Variants in C1orf141 observed in about 807,000 individuals in gnomAD.
C1orf141 encodes the protein uncharacterized protein C1orf141.
A neutral mutation model predicts 23.2 loss-of-function variants in C1orf141; 19 were observed. The observed-to-expected ratio is 0.82, with a 90% CI of 0.57 to 1.20. The LOEUF is 1.20. C1orf141 is among the 50% of genes most tolerant of loss of function. The pLI is 0.00. For synonymous variants in C1orf141, 153 were observed against 154.6 expected (o/e 0.99, Z 0.08); for missense variants, 469 against 455.1 (o/e 1.03, Z -0.28).
intron 5 of C1orf141, among the ~76,000 whole-genome samples, chr1:67,106,473 C>A (rs1015431187): frequency 1.3e-5 from 2 of 151,980 alleles, no homozygotes; most frequent in African/African-American, 4.8e-5. Context: ...ATGGTGAAAC[C>A]CTGTCTCTAC....
intron 1 of C1orf141, among the ~76,000 whole-genome samples, chr1:67,140,196 C>T (rs1646623263): frequency 2.0e-5 from 3 of 152,274 alleles, no homozygotes; most frequent in Admixed American, 6.5e-5. Flanking sequence ...TAGCATCTTG[C>T]AAGGCTTCAC....
intron 1 of C1orf141, 58 bp downstream of exon 1, chr1:67,134,872 A>G (rs1003968680): frequency 2.0e-5 from 3 of 152,056 alleles, no homozygotes; most frequent in African/African-American, 7.3e-5. Flanking sequence ...TTCGCCTCCC[A>G]CCCTCATGCA....
At chr1:67,113,120 C>T (rs1357875629) in intron 5 of C1orf141, among the ~76,000 whole-genome samples, 1 of 152,010 alleles carries the variant, frequency 6.6e-6, no homozygotes, top group African/African-American at 2.4e-5. Flanking sequence ...GCTGGGATTA[C>T]AAGTGTGCAC....
chr1:67,137,991 TC>T (rs1313662091), upstream of C1orf141, among the ~76,000 whole-genome samples: 2 of 152,196 alleles, frequency 1.3e-5, no homozygotes, highest in East Asian at 3.8e-4. Flanking sequence ...TTCCTAATGT[TC>T]CTTTCACATC....
intron 5 of C1orf141, among the ~76,000 whole-genome samples, chr1:67,097,898 A>C (rs926997409): frequency 6.6e-6 from 1 of 152,162 alleles, no homozygotes; most frequent in African/African-American, 2.4e-5. Flanking sequence ...TGGGATAGGT[A>C]AGAGAAAAAC....
intron 2 of C1orf141, among the ~76,000 whole-genome samples, chr1:67,129,316 C>A (rs1042261446): frequency 9.2e-5 from 14 of 151,916 alleles, no homozygotes; most frequent in Non-Finnish European, 1.5e-4. Flanking sequence ...AGTAGCCAGG[C>A]ACAGTAGCAT....
chr1:67,092,315 A>C lies in C1orf141; in HGVS notation c.*690T>G, dbSNP rs1335191304. On this transcript the variant is annotated 3_prime_UTR_variant, in exon 8 of 8. Transcript: ENST00000684719. ...TGCCTTTAAACTGTTTGGGTTAATG[A>C]GAAACAGTAAAATAGCAATGTAATA... 6.6e-6 allele frequency: 1 copy of C among 152,310 alleles called. No homozygotes were observed. The highest frequency in any genetic ancestry group is 1.5e-5 in the Non-Finnish European group (1 of 68,014). The allele number at this position is 152,310 out of a possible 1,614,324, so 9.4% of individuals were successfully genotyped here.
chr1:67,107,862 C>T (rs1310000327), intron 5 of C1orf141, among the ~76,000 whole-genome samples: 1 of 152,208 alleles, frequency 6.6e-6, no homozygotes, highest in Admixed American at 6.5e-5. Flanking sequence ...CAAAGAGTGT[C>T]CTTCTCTTAA....
intron 5 of C1orf141, among the ~76,000 whole-genome samples, chr1:67,114,408 G>A (rs958033662): frequency 6.6e-6 from 1 of 151,986 alleles, no homozygotes; most frequent in East Asian, 1.9e-4. Context: ...GACACATAAG[G>A]AAATATGACA....
At chr1:67,127,468 C>A (rs929895631) in intron 2 of C1orf141, among the ~76,000 whole-genome samples, 1 of 152,060 alleles carries the variant, frequency 6.6e-6, no homozygotes, top group Non-Finnish European at 1.5e-5. Context: ...GTATAGGCCC[C>A]ATGAATTTTT....
chr1:67,112,885 A>T (rs1646105844), intron 5 of C1orf141, among the ~76,000 whole-genome samples: 1 of 152,228 alleles, frequency 6.6e-6, no homozygotes, highest in Non-Finnish European at 1.5e-5. Context: ...TACAAGTTGC[A>T]TGAATAGAGT....
chr1:67,115,650 C>T (rs944907418), intron 4 of C1orf141, among the ~76,000 whole-genome samples, 186 bp from the exon 5 acceptor site: 3 of 152,016 alleles, frequency 2.0e-5, no homozygotes, highest in South Asian at 2.1e-4. Flanking sequence ...TAGTTTTAGT[C>T]GTTTAAAGTG....
chr1:67,100,524 C>T (rs1268427867), intron 5 of C1orf141, among the ~76,000 whole-genome samples: 1 of 152,074 alleles, frequency 6.6e-6, no homozygotes, highest in Non-Finnish European at 1.5e-5. Flanking sequence ...TTCTTTAACT[C>T]CTTCAGCATA....
In C1orf141 at chr1:67,108,114, A is replaced by T. The variant is rs142717234; in HGVS notation, c.346+7238T>A. Among the ~76,000 whole-genome samples the T allele has an allele frequency of 3.7e-4, 57 of 152,310 alleles. 2 individuals are homozygous for T. In the East Asian group the frequency reaches 0.01, roughly 27 times the overall value. On this transcript the variant is annotated intron_variant, in intron 5 of 7. Transcript: ENST00000684719. ...CCCATCTTCATTCTTAAATATCACAAATAAAAATGTACCAATGTCTTATTT... is the reference window on the plus strand; with the variant it reads ...CCCATCTTCATTCTTAAATATCACATATAAAAATGTACCAATGTCTTATTT...
At chr1:67,101,449 A>AGTGTGTGT (rs10688535) in intron 5 of C1orf141, among the ~76,000 whole-genome samples, 28,937 of 135,044 alleles carry the variant, frequency 0.21, 3,454 homozygotes, top group South Asian at 0.37. Context: ...TGAATGTAAG[A>AGTGTGTGT]GTGTGTGTGT....
chr1:67,128,235 T>A (rs989621152), intron 2 of C1orf141, among the ~76,000 whole-genome samples: 2 of 152,182 alleles, frequency 1.3e-5, no homozygotes, highest in Non-Finnish European at 2.9e-5. Context: ...CAGAACCTGG[T>A]CTAATTTATT....
chr1:67,114,498 G>A (rs1646148687), intron 5 of C1orf141, among the ~76,000 whole-genome samples: 1 of 152,114 alleles, frequency 6.6e-6, no homozygotes, highest in Admixed American at 6.5e-5. Context: ...AAGCATAATA[G>A]AGAAATTAAG....
chr1:67,138,233 A>C (rs867236214), upstream of C1orf141, among the ~76,000 whole-genome samples: 8 of 152,222 alleles, frequency 5.3e-5, no homozygotes, highest in South Asian at 4.1e-4. Context: ...ACTCTGAAAT[A>C]TTAAGCTCTA....
At chr1:67,096,350 A>G (rs1024501041) in intron 5 of C1orf141, 29 bp from the exon 6 acceptor site, 7 of 1,104,306 alleles carry the variant, frequency 6.3e-6, no homozygotes, top group East Asian at 2.4e-5. Context: ...TTCATAAAAG[A>G]CACATAGATA....
Sources: gnomAD v4.1 joint callset for allele counts (sites outside exome capture counted in the v4.1 genomes callset) on GRCh38, gnomAD v4.1.1 for gene constraint, MANE v1.5 for transcripts, NCBI Gene and HGNC (gene_info 2026-07-23, HGNC 2026-07-21) for gene names.